The following EIF2AK1 variants were observed in gnomAD, a reference collection of about 807,000 sequenced individuals.
The protein encoded by EIF2AK1 is eukaryotic translation initiation factor 2 alpha kinase 1.
A neutral mutation model predicts 77.9 loss-of-function variants in EIF2AK1; 54 were observed. The observed-to-expected ratio is 0.69, with a 90% CI of 0.56 to 0.87. The LOEUF (loss-of-function observed/expected upper bound fraction) is 0.87, where lower values mean the gene tolerates loss of function less well. Among genes scored for constraint, EIF2AK1 ranks in the 40% least tolerant of loss-of-function variants. EIF2AK1 has a pLI of 0.00. For synonymous variants in EIF2AK1, 314 were observed against 290.5 expected, an observed-to-expected ratio of 1.08 and a Z score of -0.82; for missense variants, 810 against 768.6, an observed-to-expected ratio of 1.05 and a Z score of -0.64.
chr7:6,039,348 G>A (rs1251653183), intron 9 of EIF2AK1, among the ~76,000 whole-genome samples: 8 of 152,246 alleles, frequency 5.3e-5, no homozygotes, highest in East Asian at 1.9e-4. Context: ...TTAGCCAGGC[G>A]TGGTGGCTCA....
intron 7 of EIF2AK1, 85 bp downstream of exon 7, chr7:6,044,477 G>T: frequency 9.2e-7 from 1 of 1,085,310 alleles, no homozygotes; most frequent in Non-Finnish European, 1.4e-6. Context: ...CTTGTGGTAT[G>T]TACAAAAACA....
Position 6,041,197 on chromosome 7 carries a change from C to G in EIF2AK1, c.814G>C (p.Asp272His). 1 of 1,607,782 alleles carries G rather than the reference C, an allele frequency of 6.2e-7. No homozygotes were observed. The highest frequency in any genetic ancestry group is 8.5e-7 in the Non-Finnish European group (1 of 1,178,704). The change falls in exon 9 of 15, where the codon GAT becomes CAT. Residue 272 changes from aspartate to histidine, a missense_variant. By Grantham distance (81) the Asp-to-His change is moderately conservative. Coordinates refer to ENST00000199389, the MANE Select transcript of EIF2AK1 (RefSeq NM_014413.4). ...EDREQCGVKN[D>H]ESSSSSIIFA... is the part of the protein sequence containing the mutation. ...ATAATGGATGAGCTGCTACTTTCATCATTTTTAACACCACATTGCTCTCTG... is the reference window on the plus strand; with the variant it reads ...ATAATGGATGAGCTGCTACTTTCATGATTTTTAACACCACATTGCTCTCTG...
intron 2 of EIF2AK1, among the ~76,000 whole-genome samples, chr7:6,050,459 T>G (rs1788576652): frequency 6.6e-6 from 1 of 152,056 alleles, no homozygotes. Flanking sequence ...CCTCCCAAAG[T>G]GCTAGGATTA....
intron 14 of EIF2AK1, among the ~76,000 whole-genome samples, chr7:6,026,061 C>T (rs1264592731): frequency 2.0e-5 from 3 of 152,096 alleles, no homozygotes; most frequent in Non-Finnish European, 4.4e-5. Context: ...CGCCAGGCCA[C>T]CCCTGCCTCT....
intron 6 of EIF2AK1, 36 bp downstream of exon 6, chr7:6,046,035 C>A (rs770170171): frequency 1.5e-6 from 2 of 1,347,720 alleles, no homozygotes; most frequent in Admixed American, 2.2e-5. Context: ...ACTAAATACA[C>A]AATTATTCAA....
At position 6,059,100 on chromosome 7, in the gene EIF2AK1, G is replaced by GCCGCAGCCCAGC. The variant is rs1230203201; in HGVS notation, c.-29_-18dup. On this transcript the variant is annotated 5_prime_UTR_variant, in exon 1 of 15. Coordinates refer to ENST00000199389, the MANE Select transcript of EIF2AK1 (RefSeq NM_014413.4). Reference sequence around the variant, plus strand: ...CCCCTGCATCGCCGGCCGCGCGCGGGCCGCAGCCCAGCCCGCCGGCCAGCC... The same window carrying GCCGCAGCCCAGC: ...CCCCTGCATCGCCGGCCGCGCGCGGGCCGCAGCCCAGCCCGCAGCCCAGCCCGCCGGCCAGCC... 4.0e-5 allele frequency: 54 copies of GCCGCAGCCCAGC among 1,364,292 alleles called. No individual in the cohort carries two copies. Among genetic ancestry groups the GCCGCAGCCCAGC allele is most frequent in the Non-Finnish European group, 4.8e-5 (51 of 1,063,466 alleles). The allele number at this position is 1,364,292 out of a possible 1,614,324, so 84.5% of individuals were successfully genotyped here.
chr7:6,043,467 T>C (rs1353029199), intron 7 of EIF2AK1, among the ~76,000 whole-genome samples: 1 of 152,038 alleles, frequency 6.6e-6, no homozygotes, highest in Non-Finnish European at 1.5e-5. Flanking sequence ...CTCGCTCTGT[T>C]GCCCAGGGTG....
chr7:6,052,198 A>G (rs1055530063), intron 2 of EIF2AK1, among the ~76,000 whole-genome samples: 8 of 151,874 alleles, frequency 5.3e-5, no homozygotes, highest in African/African-American at 1.9e-4. Context: ...AAAGTCATCT[A>G]AAGAGGCTGT....
At chr7:6,051,429 G>A (rs112907417) in intron 2 of EIF2AK1, among the ~76,000 whole-genome samples, 29 of 151,844 alleles carry the variant, frequency 1.9e-4, no homozygotes, top group African/African-American at 6.8e-4. Context: ...ACACCACCAC[G>A]CCTGGCTAAT....
chr7:6,038,193 G>A (rs1788158764), intron 10 of EIF2AK1, among the ~76,000 whole-genome samples: 1 of 152,190 alleles, frequency 6.6e-6, no homozygotes, highest in Admixed American at 6.5e-5. Context: ...ACTTTGGGAG[G>A]AGAGGACAGG....
intron 14 of EIF2AK1, among the ~76,000 whole-genome samples, chr7:6,026,120 A>T (rs758878320): frequency 6.6e-6 from 1 of 152,008 alleles, no homozygotes; most frequent in Non-Finnish European, 1.5e-5. Flanking sequence ...CAGCAACCCC[A>T]TCGGGCACAC....
At chr7:6,041,530 G>A (rs1436043479) in intron 8 of EIF2AK1, among the ~76,000 whole-genome samples, 3 of 142,130 alleles carry the variant, frequency 2.1e-5, no homozygotes, top group African/African-American at 2.6e-5. Context: ...CAAAGTGAGT[G>A]AGACTCCGTC....
chr7:6,043,553 C>T (rs1234127120), intron 7 of EIF2AK1, among the ~76,000 whole-genome samples: 1 of 151,970 alleles, frequency 6.6e-6, no homozygotes, highest in East Asian at 1.9e-4. Context: ...CTCAGCCTCC[C>T]GAGTAGCCGG....
chr7:6,024,090 G>C lies in EIF2AK1; in HGVS notation c.*583C>G. On this transcript the variant is annotated 3_prime_UTR_variant, in exon 15 of 15. Coordinates refer to ENST00000199389, the MANE Select transcript of EIF2AK1 (RefSeq NM_014413.4). ...GGTGCGGAGTACAAAGCTTTGCAAG[G>C]GTGTGGTTTTGGAATGACGCTAAAC... The C allele has an allele frequency of 1.5e-6, 2 of 1,300,228 alleles. No homozygotes were observed. The highest frequency in any genetic ancestry group is 2.0e-6 in the Non-Finnish European group (2 of 996,606). The allele number at this position is 1,300,228 out of a possible 1,614,324, so 80.5% of individuals were successfully genotyped here.
chr7:6,045,276 T>C (rs1483932331), intron 6 of EIF2AK1, among the ~76,000 whole-genome samples: 1 of 151,972 alleles, frequency 6.6e-6, no homozygotes, highest in Non-Finnish European at 1.5e-5. Flanking sequence ...CAGCTAATTT[T>C]TGTGTTTTTA....
chr7:6,038,499 T>A (rs1788169875), intron 10 of EIF2AK1, 61 bp downstream of exon 10: 2 of 1,209,448 alleles, frequency 1.7e-6, no homozygotes, highest in South Asian at 2.9e-5. Flanking sequence ...AACTCCTACA[T>A]GAGATGGGGA....
At chr7:6,026,394 G>A (rs755110377) in intron 14 of EIF2AK1, 4 of 514,764 alleles carry the variant, frequency 7.8e-6, no homozygotes, top group African/African-American at 4.0e-5. Flanking sequence ...CGGCCTTTCC[G>A]GGAAGGAGTC....
chr7:6,044,277 A>G (rs1159346337), intron 7 of EIF2AK1, among the ~76,000 whole-genome samples: 1 of 151,698 alleles, frequency 6.6e-6, no homozygotes, highest in Non-Finnish European at 1.5e-5. Context: ...ATCCTGGCTA[A>G]CACGGTGAAA....
rs1024915054 is a variant in EIF2AK1, at chr7:6,033,624, T to C, written c.1332+3800A>G. Among the ~76,000 whole-genome samples, 1 of 152,098 alleles carries C rather than the reference T, an allele frequency of 6.6e-6. No individual in the cohort carries two copies. The highest frequency in any genetic ancestry group is 2.4e-5 in the African/African-American group (1 of 41,424). ...TTTGTTTTTTGAGACAGAGTCTCGC[T>C]CTGTCGCCCAGGCTGGAGTGCAGTG... On this transcript the variant is annotated intron_variant, in intron 11 of 14. Transcript: ENST00000199389. The surrounding 1 kb of genome is among the most constrained non-coding windows in gnomAD (Gnocchi z 4.4).
Sources: allele counts gnomAD v4.1 joint callset (sites outside exome capture counted in the v4.1 genomes callset), GRCh38; gene constraint gnomAD v4.1.1; non-coding constraint Gnocchi (gnomAD v3.1); transcripts MANE v1.5; gene names NCBI Gene and HGNC (gene_info 2026-07-23, HGNC 2026-07-21).